NFAT5: variants seen among roughly 807,000 people sequenced by gnomAD.
The protein encoded by NFAT5 is nuclear factor of activated T-cells 5.
A neutral mutation model predicts 166.5 loss-of-function variants in NFAT5; 31 were observed. That is an observed-to-expected ratio of 0.19 (90% CI 0.14 to 0.25). NFAT5 has a LOEUF of 0.25. Among genes scored for constraint, NFAT5 ranks in the 10% least tolerant of loss-of-function variants. The pLI is 1.00. For missense variants in NFAT5, 1,449 were observed against 1,821.8 expected (o/e 0.80, Z 3.72); for synonymous variants, 612 against 639.7 (o/e 0.96, Z 0.65).
chr16:69,641,669 A>G (rs1477303785), intron 3 of NFAT5, among the ~76,000 whole-genome samples: 1 of 152,204 alleles, frequency 6.6e-6, no homozygotes, highest in Non-Finnish European at 1.5e-5. Flanking sequence ...ATGATATTTT[A>G]AGCACTAATA....
intron 3 of NFAT5, among the ~76,000 whole-genome samples, chr16:69,644,441 T>C (rs978515949): frequency 6.6e-5 from 10 of 152,246 alleles, no homozygotes; most frequent in African/African-American, 2.4e-4. Flanking sequence ...TTCAGTGTCA[T>C]AGTTTTGTGC....
chr16:69,692,339 G>A lies in NFAT5; in HGVS notation c.2514G>A (p.Glu838=). The A allele has an allele frequency of 6.2e-7, 1 of 1,614,204 alleles. No homozygotes were observed. Among genetic ancestry groups the A allele is most frequent in the Non-Finnish European group, 8.5e-7 (1 of 1,180,038 alleles). The change falls in exon 13 of 15, where the codon GAG becomes GAA. Residue 838 remains glutamate (E), a synonymous_variant. Transcript: ENST00000349945. ...SVLFSAPDGN[E]NVQEQLSADI... ...TATTTTCTGCTCCAGATGGTAATGAGAATGTTCAAGAGCAGCTTAGTGCAG... is the reference window on the plus strand; with the variant it reads ...TATTTTCTGCTCCAGATGGTAATGAAAATGTTCAAGAGCAGCTTAGTGCAG...
At chr16:69,685,183 TATA>T (rs1225712788) in intron 11 of NFAT5, 13 of 131,016 alleles carry the variant, frequency 9.9e-5, no homozygotes, top group African/African-American at 2.8e-4. Flanking sequence ...TATATATATA[TATA>T]TATATTTTTT....
intron 11 of NFAT5, among the ~76,000 whole-genome samples, chr16:69,687,285 A>T (rs1142101): frequency 6.6e-6 from 1 of 151,966 alleles, no homozygotes. Context: ...TACTAAAAAT[A>T]AAAAAATTAG....
At chr16:69,624,399 G>A (rs1476317647) in intron 2 of NFAT5, among the ~76,000 whole-genome samples, 5 of 151,246 alleles carry the variant, frequency 3.3e-5, no homozygotes, top group African/African-American at 1.2e-4. Flanking sequence ...TAGAGACAGG[G>A]TTTCACCATT....
chr16:69,656,477 A>C (rs2035884228), intron 6 of NFAT5, among the ~76,000 whole-genome samples: 1 of 149,564 alleles, frequency 6.7e-6, no homozygotes. Flanking sequence ...TTTGAGACAG[A>C]GTCTCCGTCT....
At chr16:69,627,454 T>C (rs901446249) in intron 3 of NFAT5, among the ~76,000 whole-genome samples, 7 of 151,438 alleles carry the variant, frequency 4.6e-5, no homozygotes, top group Non-Finnish European at 8.8e-5. Context: ...AAAAATGATA[T>C]TTAAAGTTTA....
At position 69,693,047 on chromosome 16, in the gene NFAT5, A is replaced by G. The variant is rs754574529; in HGVS notation, c.3222A>G (p.Gln1074=). The G allele has an allele frequency of 1.2e-6, 2 of 1,613,924 alleles. No homozygotes were observed. Among genetic ancestry groups the G allele is most frequent in the Non-Finnish European group, 8.5e-7 (1 of 1,180,044 alleles). Residue 1074 remains glutamine (Q), a synonymous_variant, in exon 13 of 15, where the codon CAA becomes CAG. Transcript: ENST00000349945. ...AAGGGAATGAGATGATGTCACTTCA[A>G]TCTGGAAATTTTTTGCAGCAGTCTT... ...FQQGNEMMSL[Q]SGNFLQQSSH... is the part of the protein sequence containing the mutation.
At chr16:69,626,053 C>T (rs1278626649) in intron 2 of NFAT5, among the ~76,000 whole-genome samples, 1 of 149,886 alleles carries the variant, frequency 6.7e-6, no homozygotes, top group Non-Finnish European at 1.5e-5. Context: ...AAGCAGTTTA[C>T]CCACCTGAGC....
At chr16:69,576,492 A>C (rs1380658388) in intron 2 of NFAT5, among the ~76,000 whole-genome samples, 1 of 152,122 alleles carries the variant, frequency 6.6e-6, no homozygotes, top group Non-Finnish European at 1.5e-5. Flanking sequence ...TCTTTTGGGG[A>C]AGATTTTAAT....
rs759454592 is a variant in NFAT5, at chr16:69,691,822, C to T, written c.1997C>T (p.Ser666Leu). 1.9e-6 allele frequency: 3 copies of T among 1,614,060 alleles called. No individual in the cohort carries two copies. Among genetic ancestry groups the T allele is most frequent in the Non-Finnish European group, 1.7e-6 (2 of 1,179,994 alleles). ...ISNIAGNGSF[S>L]SPSSSHLPSE... Reference sequence around the variant, plus strand: ...AACATAGCAGGAAATGGCTCTTTTTCATCACCATCATCTTCCCACCTACCT... The same window carrying T: ...AACATAGCAGGAAATGGCTCTTTTTTATCACCATCATCTTCCCACCTACCT... Residue 666 changes from serine to leucine, a missense_variant, in exon 13 of 15, where the codon TCA becomes TTA. By Grantham distance (145) the Ser-to-Leu change is moderately radical. Transcript: ENST00000349945.
chr16:69,602,122 G>A (rs1597382863), intron 2 of NFAT5, among the ~76,000 whole-genome samples: 1 of 128,028 alleles, frequency 7.8e-6, no homozygotes, highest in African/African-American at 3.4e-5. Context: ...AAAGCATAAG[G>A]CTTTTTTTTT....
intron 2 of NFAT5, among the ~76,000 whole-genome samples, chr16:69,576,845 TAGG>T (rs1393099046): frequency 6.6e-6 from 1 of 152,092 alleles, no homozygotes; most frequent in Non-Finnish European, 1.5e-5. Flanking sequence ...AAGTGAAAAG[TAGG>T]AGAAGGCTAA....
intron 10 of NFAT5, among the ~76,000 whole-genome samples, chr16:69,682,623 AAAT>A (rs754576300): frequency 3.3e-5 from 5 of 152,354 alleles, no homozygotes; most frequent in East Asian, 3.9e-4. Flanking sequence ...TGTCTCAAAA[AAAT>A]AATAAGAAGA....
At chr16:69,616,316 A>G (rs1385737193) in intron 2 of NFAT5, among the ~76,000 whole-genome samples, 4 of 151,882 alleles carry the variant, frequency 2.6e-5, no homozygotes, top group Non-Finnish European at 5.9e-5. Flanking sequence ...GTAACCTCTG[A>G]TAACCAACCT....
intron 4 of NFAT5, among the ~76,000 whole-genome samples, chr16:69,650,593 T>C (rs549327003): frequency 1.6e-4 from 24 of 152,134 alleles, no homozygotes; most frequent in Non-Finnish European, 3.1e-4. Context: ...AAATATTAGC[T>C]TGACTAGCAT....
At chr16:69,644,166 TC>T (rs2035335713) in intron 3 of NFAT5, among the ~76,000 whole-genome samples, 1 of 151,992 alleles carries the variant, frequency 6.6e-6, no homozygotes. Context: ...GTGCCTGTAG[TC>T]TCAGTTACTC....
chr16:69,634,277 C>CAAAAAA (rs745354566), intron 3 of NFAT5, among the ~76,000 whole-genome samples: 70 of 84,952 alleles, frequency 8.2e-4, no homozygotes, highest in Non-Finnish European at 1.4e-3. Flanking sequence ...TTCCGACTCA[C>CAAAAAA]AAAAAAAAAA....
Position 69,581,790 on chromosome 16 carries a change from A to C in NFAT5, c.127+13242A>C, listed in dbSNP as rs185722710. On this transcript the variant is annotated intron_variant, in intron 2 of 14. Coordinates refer to ENST00000349945, the MANE Select transcript of NFAT5 (RefSeq NM_138713.4). ...TTTTGTGAACTTTTTATGATGAAAAAATCTTAAAAATTATATATTTATCAT... is the reference window on the plus strand; with the variant it reads ...TTTTGTGAACTTTTTATGATGAAAACATCTTAAAAATTATATATTTATCAT... Among the ~76,000 whole-genome samples the C allele has an allele frequency of 3.9e-5, 6 of 152,272 alleles. No individual in the cohort carries two copies. In the East Asian group the frequency reaches 1.2e-3, roughly 29 times the overall value.
Sources: allele counts gnomAD v4.1 joint callset (sites outside exome capture counted in the v4.1 genomes callset), GRCh38; gene constraint gnomAD v4.1.1; transcripts MANE v1.5; gene names NCBI Gene and HGNC (gene_info 2026-07-23, HGNC 2026-07-21).